The following PCDHA6 variants were observed in gnomAD, a reference collection of about 807,000 sequenced individuals.
PCDHA6 encodes the protein protocadherin alpha-6.
In PCDHA6, 55 loss-of-function variants were observed where a neutral mutation model predicts 60.3. The ratio of observed to expected loss-of-function variants is 0.91; its 90% CI spans 0.73 to 1.14. The LOEUF is 1.14. Among genes scored for constraint, PCDHA6 ranks in the 50% most tolerant of loss-of-function variants. The pLI is 0.00. For synonymous variants in PCDHA6, 652 were observed against 557.9 expected (o/e 1.17, Z -2.38); for missense variants, 1,327 against 1,256.5 (o/e 1.06, Z -0.85).
At chr5:140,959,548 A>G (rs1554224134) in intron 1 of PCDHA6, among the ~76,000 whole-genome samples, 2 of 152,194 alleles carry the variant, frequency 1.3e-5, no homozygotes, top group Non-Finnish European at 2.9e-5. Flanking sequence ...ATGCTGTATA[A>G]ATAGAATCAG....
chr5:140,829,254 C>T lies in PCDHA6; in HGVS notation c.1163C>T (p.Ser388Leu), dbSNP rs1770187328. ...GGTGCCAACGGGCAGGTGAACTGCT[C>T]GCTGACGCCTCACGTCCCTTTCAAG... ...DSGANGQVNC[S>L]LTPHVPFKLV... Residue 388 changes from serine to leucine, a missense_variant, in exon 1 of 4, where the codon TCG becomes TTG. By Grantham distance (145) the Ser-to-Leu change is moderately radical. Transcript: ENST00000529310. The T allele has an allele frequency of 6.2e-7, 1 of 1,614,260 alleles. No individual in the cohort carries two copies. Among genetic ancestry groups the T allele is most frequent in the East Asian group, 2.2e-5 (1 of 44,884 alleles).
intron 1 of PCDHA6, chr5:140,863,183 C>A: frequency 1.3e-6 from 1 of 766,218 alleles, no homozygotes; most frequent in Non-Finnish European, 2.2e-6. Context: ...GCCACCGTCA[C>A]CGTGGTGGCG....
chr5:140,834,743 C>A (rs2150225305), intron 1 of PCDHA6: 4 of 1,614,056 alleles, frequency 2.5e-6, no homozygotes, highest in African/African-American at 1.3e-5. Context: ...TCCATGTGGA[C>A]GTGGAGGTGA....
chr5:140,884,428 G>T, intron 1 of PCDHA6: 1 of 1,613,962 alleles, frequency 6.2e-7, no homozygotes, highest in East Asian at 2.2e-5. Flanking sequence ...TGTATACTGC[G>T]CTGCGGTGCT....
At chr5:140,882,376 C>G in intron 1 of PCDHA6, 1 of 1,614,190 alleles carries the variant, frequency 6.2e-7, no homozygotes, top group South Asian at 1.1e-5. Context: ...ACTCCGTCCC[C>G]GAGGAAGCAA....
At chr5:140,871,703 A>G (rs1202166124) in intron 1 of PCDHA6, 9 of 879,148 alleles carry the variant, frequency 1.0e-5, no homozygotes, top group African/African-American at 1.7e-5. Context: ...TTTAACCAAT[A>G]AATGTCCTAT....
At chr5:141,002,555 A>T (rs1349538713) in intron 3 of PCDHA6, among the ~76,000 whole-genome samples, 1 of 152,222 alleles carries the variant, frequency 6.6e-6, no homozygotes, top group African/African-American at 2.4e-5. Flanking sequence ...CCCAGGATCC[A>T]CCAGTTAGTG....
chr5:140,924,886 A>G (rs190850675), intron 1 of PCDHA6, among the ~76,000 whole-genome samples: 11 of 137,270 alleles, frequency 8.0e-5, no homozygotes, highest in Admixed American at 3.0e-4. Context: ...CAGAGCAAGA[A>G]CCTGTCTCAA....
Position 140,876,717 on chromosome 5 carries a change from C to T in PCDHA6, c.2394+46232C>T, listed in dbSNP as rs377702421. ...TGGTGCTGGACAGCGCCCTGGACCG[C>T]GAGAGCGTGTCGGCCTATGAGCTGG... On this transcript the variant is annotated intron_variant, in intron 1 of 3. Coordinates refer to ENST00000529310, the MANE Select transcript of PCDHA6 (RefSeq NM_018909.4). The T allele has an allele frequency of 3.7e-6, 6 of 1,614,118 alleles. No homozygotes were observed. The African/African-American group carries it at 5.3e-5, about 14-fold the overall frequency.
intron 3 of PCDHA6, among the ~76,000 whole-genome samples, chr5:140,993,766 C>T (rs567978996): frequency 9.2e-5 from 14 of 152,082 alleles, no homozygotes; most frequent in African/African-American, 1.7e-4. Context: ...ATTACAATTG[C>T]GCAGTATTTT....
At chr5:140,915,626 G>GTC (rs57920489) in intron 1 of PCDHA6, among the ~76,000 whole-genome samples, 4,335 of 146,228 alleles carry the variant, frequency 0.03, 91 homozygotes, top group African/African-American at 0.067. Flanking sequence ...GTCTCTTTCT[G>GTC]TCTCTCTCTC....
At chr5:140,850,986 T>A in intron 1 of PCDHA6, 1 of 1,450,124 alleles carries the variant, frequency 6.9e-7, no homozygotes, top group Non-Finnish European at 9.1e-7. Flanking sequence ...TTTATTCATT[T>A]TTCTAGAAAT....
chr5:140,836,540 G>C (rs2150263388), intron 1 of PCDHA6: 5 of 1,613,664 alleles, frequency 3.1e-6, no homozygotes, highest in African/African-American at 1.3e-5. Flanking sequence ...TGCTGTACAC[G>C]GCGTTGCGGT....
intron 3 of PCDHA6, among the ~76,000 whole-genome samples, chr5:140,990,310 C>A (rs1371432693): frequency 3.9e-5 from 6 of 152,110 alleles, no homozygotes; most frequent in African/African-American, 1.2e-4. Context: ...CTGTAAAAAA[C>A]CAACCAAACA....
Position 140,968,579 on chromosome 5 carries a change from A to G in PCDHA6, c.2395-10370A>G, listed in dbSNP as rs1554230883. On this transcript the variant is annotated intron_variant, in intron 1 of 3. Coordinates refer to ENST00000529310, the MANE Select transcript of PCDHA6 (RefSeq NM_018909.4). ...AACTGCCCCTGCTGGCTACCTGGTCACCAAAGTCATAGCTATGGACTCAGA... is the reference window on the plus strand; with the variant it reads ...AACTGCCCCTGCTGGCTACCTGGTCGCCAAAGTCATAGCTATGGACTCAGA... 6 of 1,614,182 alleles carry G rather than the reference A, an allele frequency of 3.7e-6. No homozygotes were observed. The highest frequency in any genetic ancestry group is 5.1e-6 in the Non-Finnish European group (6 of 1,180,042).
chr5:140,842,789 G>T (rs1554139384), intron 1 of PCDHA6: 1 of 1,594,392 alleles, frequency 6.3e-7, no homozygotes, highest in African/African-American at 1.3e-5. Context: ...GAACGCGCTG[G>T]TGTCCTACTC....
At position 140,828,247 on chromosome 5, in the gene PCDHA6, G is replaced by A; in HGVS notation, c.156G>A (p.Leu52=). The change falls in exon 1 of 4, where the codon CTG becomes CTA. Residue 52 remains leucine (L), a synonymous_variant. Transcript: ENST00000529310. The part of the protein sequence containing the change: ...GTFVGRIAQD[L]GLELAELVPR... ...TCGTGGGCCGGATCGCGCAGGACCTGGGGCTGGAGCTGGCGGAGCTGGTGC... is the reference window on the plus strand; with the variant it reads ...TCGTGGGCCGGATCGCGCAGGACCTAGGGCTGGAGCTGGCGGAGCTGGTGC... The A allele has an allele frequency of 5.0e-6, 8 of 1,613,980 alleles. No homozygotes were observed. Among genetic ancestry groups the A allele is most frequent in the Non-Finnish European group, 6.8e-6 (8 of 1,180,044 alleles).
At chr5:140,850,301 C>G in intron 1 of PCDHA6, 3 of 1,596,740 alleles carry the variant, frequency 1.9e-6, no homozygotes, top group Non-Finnish European at 2.6e-6. Context: ...CCGACTCGGG[C>G]TACAACGCGT....
intron 3 of PCDHA6, among the ~76,000 whole-genome samples, chr5:140,988,678 T>G (rs190740461): frequency 6.6e-6 from 1 of 152,314 alleles, no homozygotes. Context: ...CTAAGATAAT[T>G]CTTTCCCTAG....
Sources: gnomAD v4.1 joint callset for allele counts (sites outside exome capture counted in the v4.1 genomes callset) on GRCh38, gnomAD v4.1.1 for gene constraint, MANE v1.5 for transcripts, NCBI Gene and HGNC (gene_info 2026-07-23, HGNC 2026-07-21) for gene names.